The following XRCC6 variants were observed in gnomAD, a reference collection of about 807,000 sequenced individuals.
XRCC6 encodes the protein DNA repair protein Ku70.
A neutral mutation model predicts 65.7 loss-of-function variants in XRCC6; 5 were observed. That is an observed-to-expected ratio of 0.08 (90% CI 0.04 to 0.16). The LOEUF (loss-of-function observed/expected upper bound fraction) is 0.16. Among genes scored for constraint, XRCC6 ranks in the 10% least tolerant of loss-of-function variants. The pLI is 1.00. For synonymous variants in XRCC6, 270 were observed against 270.6 expected (o/e 1.00, Z 0.02); for missense variants, 447 against 738.1 (o/e 0.61, Z 4.57).
rs1159690735 is a variant in XRCC6, at chr22:41,656,966, TC to T, written c.1356del (p.Met453TrpfsTer10). On this transcript the variant is annotated frameshift_variant, in exon 10 of 13. Coordinates refer to ENST00000360079, the MANE Select transcript of XRCC6 (RefSeq NM_001469.5). LOFTEE classifies it high-confidence loss of function. Reference protein sequence around the residue: ...DKRKMPFTEKIMATPEQVGKM... With the variant: ...DKRKMPFTEKXMATPEQVGKM... ...AGGAAGATGCCCTTTACTGAAAAAA[TC>T]ATGGCAACTCCAGAGCAGGTGGGCA... is the stretch of plus-strand genomic sequence containing the variant. The T allele has an allele frequency of 6.2e-7, 1 of 1,612,400 alleles. No homozygotes were observed. The highest frequency in any genetic ancestry group is 1.7e-5 in the Admixed American group (1 of 59,468).
chr22:41,638,608 A>G (rs2067837279), intron 6 of XRCC6, among the ~76,000 whole-genome samples: 1 of 151,872 alleles, frequency 6.6e-6, no homozygotes, highest in Non-Finnish European at 1.5e-5. Flanking sequence ...ACATGGTGAA[A>G]CCTTGTTCTC....
At chr22:41,644,127 A>T (rs1451446368) in intron 6 of XRCC6, among the ~76,000 whole-genome samples, 1 of 152,172 alleles carries the variant, frequency 6.6e-6, no homozygotes, top group Non-Finnish European at 1.5e-5. Context: ...AGCCTGGGTG[A>T]CAGAGCAAGA....
chr22:41,637,924 G>C, intron 6 of XRCC6, 133 bp downstream of exon 6: 1 of 796,896 alleles, frequency 1.3e-6, no homozygotes, highest in Non-Finnish European at 1.8e-6. Flanking sequence ...TAGGAGTTGA[G>C]ACCAGCTTGG....
chr22:41,632,172 G>C (rs922488355), intron 3 of XRCC6, among the ~76,000 whole-genome samples: 1 of 148,832 alleles, frequency 6.7e-6, no homozygotes, highest in African/African-American at 2.6e-5. Flanking sequence ...GAGAGGGATA[G>C]GGAGAGGGAG....
chr22:41,647,365 C>T (rs944958511), intron 7 of XRCC6, among the ~76,000 whole-genome samples: 5 of 151,860 alleles, frequency 3.3e-5, no homozygotes, highest in African/African-American at 4.8e-5. Flanking sequence ...GGTGGATTAC[C>T]GAGGTCAGGA....
chr22:41,652,856 TAG>T (rs2068013921), intron 8 of XRCC6, among the ~76,000 whole-genome samples: 1 of 151,738 alleles, frequency 6.6e-6, no homozygotes, highest in African/African-American at 2.4e-5. Flanking sequence ...GTATTTTTAG[TAG>T]AGATGGGGTT....
At chr22:41,630,396 C>T (rs1177581335) in intron 3 of XRCC6, among the ~76,000 whole-genome samples, 1 of 152,034 alleles carries the variant, frequency 6.6e-6, no homozygotes, top group Non-Finnish European at 1.5e-5. Context: ...AGGCATGTGC[C>T]ACTATGCCTG....
chr22:41,663,092 A>G (rs1315865432), intron 12 of XRCC6, among the ~76,000 whole-genome samples: 1 of 152,112 alleles, frequency 6.6e-6, no homozygotes, highest in Non-Finnish European at 1.5e-5. Context: ...AAAATGATAC[A>G]GAAGTTATAT....
intron 12 of XRCC6, 30 bp from the exon 13 acceptor site, chr22:41,663,592 C>T (rs1216041072): frequency 6.3e-7 from 1 of 1,588,972 alleles, no homozygotes; most frequent in Admixed American, 1.7e-5. Context: ...GTAGCATTTC[C>T]AGTCACTCTC....
intron 12 of XRCC6, among the ~76,000 whole-genome samples, chr22:41,662,579 C>A (rs1181803286): frequency 6.6e-6 from 1 of 152,028 alleles, no homozygotes; most frequent in Non-Finnish European, 1.5e-5. Context: ...ATAGATATAC[C>A]AGGTTATTTA....
intron 5 of XRCC6, 40 bp from the exon 6 acceptor site, chr22:41,637,568 T>A: frequency 6.7e-7 from 1 of 1,487,842 alleles, no homozygotes; most frequent in Non-Finnish European, 9.0e-7. Context: ...TTGCTGAAAA[T>A]TGTTTTTTCC....
chr22:41,647,174 C>T lies in XRCC6; in HGVS notation c.960+92C>T, dbSNP rs1601546699. The stretch of plus-strand genomic sequence containing the variant: ...AGTGCAGTGGGGCGAACATGACTCG[C>T]TACAGCCTTGACCTCCTGGACTCAA... On this transcript the variant is annotated intron_variant, in intron 7 of 12. Transcript: ENST00000360079. 3.6e-6 allele frequency: 5 copies of T among 1,403,468 alleles called. No individual in the cohort carries two copies. In the South Asian group the frequency reaches 4.0e-5, roughly 11 times the overall value. The allele number at this position is 1,403,468 out of a possible 1,614,324, so 86.9% of individuals were successfully genotyped here. A position where few individuals can be genotyped will look rare whatever the true frequency, so the allele number is the denominator to read the frequency against.
Position 41,628,290 on chromosome 22 carries a change from G to A in XRCC6, c.195+60G>A, listed in dbSNP as rs567091165. On this transcript the variant is annotated intron_variant, in intron 3 of 12. Transcript: ENST00000360079. ...AACAGTATTGGCTGGGCATGGTGGCGGCTCATGCCTGTAATCTCAGGACAT... is the reference window on the plus strand; with the variant it reads ...AACAGTATTGGCTGGGCATGGTGGCAGCTCATGCCTGTAATCTCAGGACAT... 37 of 1,420,224 alleles carry A rather than the reference G, an allele frequency of 2.6e-5. No homozygotes were observed. In the South Asian group the frequency reaches 4.1e-4, roughly 16 times the overall value. 88.0% of individuals were successfully genotyped at this position (1,420,224 alleles called of 1,614,324 possible).
chr22:41,657,152 T>A, intron 10 of XRCC6, 120 bp downstream of exon 10: 1 of 1,240,232 alleles, frequency 8.1e-7, no homozygotes, highest in Non-Finnish European at 1.1e-6. Flanking sequence ...GATTACTACT[T>A]GTTATTAATA....
intron 7 of XRCC6, among the ~76,000 whole-genome samples, chr22:41,649,139 A>AAAATATATATATATATATATATATATAT: frequency 5.8e-4 from 51 of 88,660 alleles, no homozygotes; most frequent in Admixed American, 1.6e-3. Context: ...AAAAAAAAAA[A>AAAATATATATATATATATATATATATAT]ATATATATAT....
intron 2 of XRCC6, among the ~76,000 whole-genome samples, chr22:41,623,247 C>T (rs5758397): frequency 0.83 from 126,168 of 151,918 alleles, 53,369 homozygotes; most frequent in African/African-American, 0.95. Flanking sequence ...CCAATAATTT[C>T]TTAATTTTTT....
chr22:41,649,139 A>AAAAAAAAAATAT, intron 7 of XRCC6, among the ~76,000 whole-genome samples: 1 of 88,728 alleles, frequency 1.1e-5, no homozygotes, highest in Non-Finnish European at 2.1e-5. Flanking sequence ...AAAAAAAAAA[A>AAAAAAAAAATAT]ATATATATAT....
At chr22:41,659,193 A>C (rs1410480783) in intron 11 of XRCC6, among the ~76,000 whole-genome samples, 1 of 152,014 alleles carries the variant, frequency 6.6e-6, no homozygotes, top group Non-Finnish European at 1.5e-5. Flanking sequence ...CCAGTGTTAA[A>C]AGCAGAAGAG....
chr22:41,633,377 C>T (rs79315884), intron 3 of XRCC6, among the ~76,000 whole-genome samples: 1 of 151,618 alleles, frequency 6.6e-6, no homozygotes, highest in Non-Finnish European at 1.5e-5. Context: ...GTGCTTTAAC[C>T]TTTTTTAGAC....
Sources: allele counts gnomAD v4.1 joint callset (sites outside exome capture counted in the v4.1 genomes callset), GRCh38; gene constraint gnomAD v4.1.1; transcripts MANE v1.5; gene names NCBI Gene and HGNC (gene_info 2026-07-23, HGNC 2026-07-21).